OXSR1: variants seen among roughly 807,000 people sequenced by gnomAD.
The protein encoded by OXSR1 is serine/threonine-protein kinase OSR1.
A neutral mutation model predicts 79.8 loss-of-function variants in OXSR1; 24 were observed. The ratio of observed to expected loss-of-function variants is 0.30; its 90% CI spans 0.22 to 0.42. The LOEUF is 0.42. Ranked by LOEUF, OXSR1 falls within the 10% of genes least tolerant of loss-of-function variation. The probability of loss-of-function intolerance (pLI) is 1.00; values close to 1 mark genes in which losing one functional copy is unlikely to be tolerated. For synonymous variants in OXSR1, 226 were observed against 209.2 expected, an observed-to-expected ratio of 1.08 and a Z score of -0.69; for missense variants, 430 against 618.4, an observed-to-expected ratio of 0.70 and a Z score of 3.23.
intron 3 of OXSR1, chr3:38,193,489 T>C (rs1702020644): frequency 3.9e-5 from 38 of 974,910 alleles, no homozygotes; most frequent in Non-Finnish European, 5.4e-5. Context: ...CGAGAATATG[T>C]AATACAACAT....
At chr3:38,213,830 A>G (rs866711568) in intron 4 of OXSR1, among the ~76,000 whole-genome samples, 1 of 152,252 alleles carries the variant, frequency 6.6e-6, no homozygotes, top group African/African-American at 2.4e-5. Context: ...ATGTCAATAT[A>G]AGCATAATGT....
chr3:38,190,262 G>C (rs1409593754), intron 2 of OXSR1, among the ~76,000 whole-genome samples: 1 of 151,920 alleles, frequency 6.6e-6, no homozygotes, highest in African/African-American at 2.4e-5. Context: ...ACGTTGTCCT[G>C]TTTCAGTTTG....
chr3:38,193,493 A>G (rs1311802803), intron 3 of OXSR1: 5 of 972,384 alleles, frequency 5.1e-6, no homozygotes, highest in Non-Finnish European at 7.1e-6. Context: ...AATATGTAAT[A>G]CAACATTTTT....
At chr3:38,186,597 A>G (rs886794935) in intron 2 of OXSR1, among the ~76,000 whole-genome samples, 5 of 152,184 alleles carry the variant, frequency 3.3e-5, no homozygotes, top group African/African-American at 9.7e-5. Flanking sequence ...TTCATTTAGC[A>G]TGTTTCCAAA....
chr3:38,250,051 CT>C, intron 15 of OXSR1, 33 bp downstream of exon 15: 1 of 1,340,128 alleles, frequency 7.5e-7, no homozygotes, highest in Non-Finnish European at 1.1e-6. Flanking sequence ...AACAAAATAG[CT>C]TCCAATTTGT....
At chr3:38,215,765 T>G (rs1466683548) in intron 4 of OXSR1, among the ~76,000 whole-genome samples, 1 of 152,208 alleles carries the variant, frequency 6.6e-6, no homozygotes, top group Non-Finnish European at 1.5e-5. Context: ...TTTAAAAATT[T>G]GATAATTCAT....
chr3:38,165,529 G>GA (rs1701423318), upstream of OXSR1: 1 of 292,830 alleles, frequency 3.4e-6, no homozygotes, highest in Non-Finnish European at 6.4e-6. Flanking sequence ...AGGAAGAGGG[G>GA]AAAGTTTGGC....
chr3:38,229,042 T>C (rs1156473605), intron 8 of OXSR1, among the ~76,000 whole-genome samples: 1 of 152,242 alleles, frequency 6.6e-6, no homozygotes, highest in African/African-American at 2.4e-5. Context: ...TTCTTTATTC[T>C]GAATGATACT....
intron 8 of OXSR1, 26 bp from the exon 9 acceptor site, chr3:38,229,661 T>C: frequency 6.3e-7 from 1 of 1,598,886 alleles, no homozygotes; most frequent in Non-Finnish European, 8.5e-7. Flanking sequence ...TATAAAAACT[T>C]TTCTTCCCTC....
chr3:38,254,361 T>C lies in OXSR1; in HGVS notation c.*1470T>C. On this transcript the variant is annotated 3_prime_UTR_variant, in exon 18 of 18. Transcript: ENST00000311806. ...TTGTTTCATTCTGAGTCTTTAGTTT[T>C]AGTCATGGGCTTTCTTCACCTGCTC... 1 of 396,128 alleles carries C rather than the reference T, an allele frequency of 2.5e-6. No individual in the cohort carries two copies. Among genetic ancestry groups the C allele is most frequent in the Non-Finnish European group, 4.4e-6 (1 of 224,808 alleles). The allele number at this position is 396,128 out of a possible 1,614,324, so 24.5% of individuals were successfully genotyped here.
chr3:38,215,174 T>C (rs537859189), intron 4 of OXSR1, among the ~76,000 whole-genome samples: 1 of 152,320 alleles, frequency 6.6e-6, no homozygotes, highest in East Asian at 1.9e-4. Flanking sequence ...TGGTCTCTTA[T>C]TTGATTTGTT....
intron 12 of OXSR1, among the ~76,000 whole-genome samples, chr3:38,243,780 C>T (rs377535634): frequency 1.4e-4 from 22 of 152,316 alleles, no homozygotes; most frequent in South Asian, 4.1e-4. Context: ...CACATATTAA[C>T]AGGCCGATAT....
At chr3:38,167,889 G>A (rs1379992310) in intron 1 of OXSR1, among the ~76,000 whole-genome samples, 1 of 116,668 alleles carries the variant, frequency 8.6e-6, no homozygotes, top group African/African-American at 4.1e-5. Context: ...TTTAAAAGAA[G>A]AGTTTTTTTT....
At chr3:38,178,340 G>A (rs1229117223) in intron 1 of OXSR1, among the ~76,000 whole-genome samples, 1 of 152,044 alleles carries the variant, frequency 6.6e-6, no homozygotes, top group Non-Finnish European at 1.5e-5. Context: ...ATCCATGTTG[G>A]TGTTGCCTAT....
chr3:38,241,803 G>GT lies in OXSR1; in HGVS notation c.1075-929dup, dbSNP rs895117312. On this transcript the variant is annotated intron_variant, in intron 11 of 17. Transcript: ENST00000311806. Reference sequence around the variant, plus strand: ...GAATTCATTATTTACAAAGTTGTTTGTTTTTTTTTTTAAAAAAAAGGTTTT... The same window carrying GT: ...GAATTCATTATTTACAAAGTTGTTTGTTTTTTTTTTTTAAAAAAAAGGTTTT... Among the ~76,000 whole-genome samples, 351 of 131,820 alleles carry GT rather than the reference G, an allele frequency of 2.7e-3. 2 individuals are homozygous for GT. The highest frequency in any genetic ancestry group is 7.7e-3 in the African/African-American group (277 of 35,872). The allele number at this position is 131,820 out of a possible 152,430, so 86.5% of individuals were successfully genotyped here.
At chr3:38,224,736 C>A (rs758608833) in intron 8 of OXSR1, 32 bp downstream of exon 8, 129 of 1,427,868 alleles carry the variant, frequency 9.0e-5, no homozygotes, top group Non-Finnish European at 7.6e-5. Flanking sequence ...ACTTTTCTCT[C>A]TAATAAAACA....
intron 1 of OXSR1, among the ~76,000 whole-genome samples, chr3:38,177,805 C>T (rs1210100500): frequency 6.6e-6 from 1 of 151,950 alleles, no homozygotes; most frequent in East Asian, 1.9e-4. Context: ...CCAGGCTGGT[C>T]TTGAACTCCT....
chr3:38,186,044 T>C (rs1184398700), intron 2 of OXSR1, among the ~76,000 whole-genome samples: 2 of 151,864 alleles, frequency 1.3e-5, no homozygotes, highest in African/African-American at 2.4e-5. Context: ...GTGGAAATGT[T>C]TGTGGCCTGG....
At chr3:38,229,618 G>C (rs1702763952) in intron 8 of OXSR1, 69 bp from the exon 9 acceptor site, 3 of 1,340,650 alleles carry the variant, frequency 2.2e-6, no homozygotes, top group Non-Finnish European at 3.1e-6. Flanking sequence ...TCTCATTTTT[G>C]ATGATGGAAT....
Sources: allele counts gnomAD v4.1 joint callset (sites outside exome capture counted in the v4.1 genomes callset), GRCh38; gene constraint gnomAD v4.1.1; transcripts MANE v1.5; gene names NCBI Gene and HGNC (gene_info 2026-07-23, HGNC 2026-07-21).